HS3ST4: variants seen among roughly 807,000 people sequenced by gnomAD.
HS3ST4 encodes heparan sulfate glucosamine 3-O-sulfotransferase 4.
In HS3ST4, 17 loss-of-function variants were observed where a neutral mutation model predicts 29.2. That is an observed-to-expected ratio of 0.58 (90% confidence interval 0.40 to 0.87). HS3ST4 has a LOEUF of 0.87. HS3ST4 is among the 40% of genes least tolerant of loss of function. The pLI is 0.00. For synonymous variants in HS3ST4, 314 were observed against 285.7 expected, an observed-to-expected ratio of 1.10 and a Z score of -1.00; for missense variants, 627 against 634.5, an observed-to-expected ratio of 0.99 and a Z score of 0.13.
At chr16:25,719,802 G>A (rs1326561709) in intron 1 of HS3ST4, among the ~76,000 whole-genome samples, 1 of 152,142 alleles carries the variant, frequency 6.6e-6, no homozygotes, top group Non-Finnish European at 1.5e-5. Flanking sequence ...GCCCATAACT[G>A]GATCACATTC....
intron 1 of HS3ST4, among the ~76,000 whole-genome samples, chr16:26,048,855 A>C (rs941774495): frequency 2.5e-4 from 38 of 152,002 alleles, no homozygotes; most frequent in Non-Finnish European, 4.4e-4. Context: ...ATAACATTGA[A>C]TCTCGCAGCA....
chr16:26,026,750 G>T (rs1300940369), intron 1 of HS3ST4, among the ~76,000 whole-genome samples: 1 of 152,152 alleles, frequency 6.6e-6, no homozygotes, highest in Non-Finnish European at 1.5e-5. Flanking sequence ...GAGAAGTGGG[G>T]TCGTCATAAT....
chr16:25,752,837 G>C (rs1395585523), intron 1 of HS3ST4, among the ~76,000 whole-genome samples: 4 of 152,202 alleles, frequency 2.6e-5, no homozygotes, highest in Non-Finnish European at 5.9e-5. Context: ...TTAGGAAGCA[G>C]CTGTGCTGGG....
At chr16:26,081,617 C>G (rs935260482) in intron 1 of HS3ST4, among the ~76,000 whole-genome samples, 1 of 152,056 alleles carries the variant, frequency 6.6e-6, no homozygotes, top group Non-Finnish European at 1.5e-5. Flanking sequence ...ACAGGATTGA[C>G]AATGTCTAAA....
At chr16:25,911,498 T>TTG (rs1968239068) in intron 1 of HS3ST4, among the ~76,000 whole-genome samples, 1 of 57,186 alleles carries the variant, frequency 1.7e-5, no homozygotes, top group African/African-American at 5.3e-5. Flanking sequence ...GTTGTGTGGT[T>TTG]TTTTTTTTTT....
chr16:25,778,640 G>A (rs947063816), intron 1 of HS3ST4, among the ~76,000 whole-genome samples: 5 of 152,100 alleles, frequency 3.3e-5, no homozygotes, highest in South Asian at 2.1e-4. Context: ...ATATGAGTGG[G>A]CCTCATCCAA....
intron 1 of HS3ST4, among the ~76,000 whole-genome samples, chr16:25,748,198 G>C (rs370170341): frequency 1.3e-5 from 2 of 152,136 alleles, no homozygotes; most frequent in African/African-American, 4.8e-5. Context: ...TTGGGTGGGC[G>C]TGCTCACATA....
At chr16:25,798,397 T>G (rs1461563155) in intron 1 of HS3ST4, among the ~76,000 whole-genome samples, 1 of 152,254 alleles carries the variant, frequency 6.6e-6, no homozygotes, top group Non-Finnish European at 1.5e-5. Flanking sequence ...CTACAAAACT[T>G]ATTTATTCTT....
chr16:26,038,453 G>A (rs1969604926), intron 1 of HS3ST4, among the ~76,000 whole-genome samples: 1 of 151,896 alleles, frequency 6.6e-6, no homozygotes, highest in Non-Finnish European at 1.5e-5. Context: ...TATAGCCCCA[G>A]CACCTGAGCC....
chr16:25,837,017 C>T (rs1413706837), intron 1 of HS3ST4, among the ~76,000 whole-genome samples: 1 of 152,202 alleles, frequency 6.6e-6, no homozygotes, highest in East Asian at 1.9e-4. Context: ...CTCATTTTGT[C>T]CCCAGATCTT....
At chr16:25,939,692 C>T (rs773733654) in intron 1 of HS3ST4, among the ~76,000 whole-genome samples, 9 of 152,204 alleles carry the variant, frequency 5.9e-5, no homozygotes, top group East Asian at 1.9e-4. Context: ...TGTGGAGAGA[C>T]GCTTGCCATA....
At chr16:25,752,799 TGC>T (rs1966730644) in intron 1 of HS3ST4, among the ~76,000 whole-genome samples, 1 of 152,262 alleles carries the variant, frequency 6.6e-6, no homozygotes, top group South Asian at 2.1e-4. Flanking sequence ...CTTTAATATC[TGC>T]ACCAGCTAGT....
chr16:26,036,638 C>T (rs985868280), intron 1 of HS3ST4, among the ~76,000 whole-genome samples: 2 of 152,128 alleles, frequency 1.3e-5, no homozygotes, highest in African/African-American at 4.8e-5. Flanking sequence ...CTATGCATTC[C>T]ATCTCCCATG....
rs73513342 is a variant in HS3ST4 at position 25,833,859 on chromosome 16, G to A, written c.734+140708G>A. The stretch of plus-strand genomic sequence containing the variant: ...AAAGAGTTTTAGTTCTTGCCTCAGA[G>A]ACCTGAATCGTTTCCATCCCCAGGA... On this transcript the variant is annotated intron_variant, in intron 1 of 1. Transcript: ENST00000331351. Among the ~76,000 whole-genome samples the A allele has an allele frequency of 5.4e-3, 830 of 152,296 alleles. 5 individuals are homozygous for A. The highest frequency in any genetic ancestry group is 0.019 in the African/African-American group (779 of 41,568).
chr16:26,038,559 A>G (rs1176129350), intron 1 of HS3ST4, among the ~76,000 whole-genome samples: 2 of 152,120 alleles, frequency 1.3e-5, no homozygotes, highest in Admixed American at 1.3e-4. Context: ...ATGAATGCCT[A>G]CATGCCCACA....
chr16:25,799,543 A>T (rs762556489), intron 1 of HS3ST4, among the ~76,000 whole-genome samples: 2 of 152,106 alleles, frequency 1.3e-5, no homozygotes, highest in Non-Finnish European at 2.9e-5. Flanking sequence ...CAACAATTTA[A>T]ATGATATCAT....
intron 1 of HS3ST4, among the ~76,000 whole-genome samples, chr16:25,789,654 A>G (rs1358019882): frequency 6.6e-6 from 1 of 152,114 alleles, no homozygotes; most frequent in African/African-American, 2.4e-5. Context: ...GTACAGCATG[A>G]TGAATTATCA....
At chr16:25,811,799 A>G (rs553898186) in intron 1 of HS3ST4, among the ~76,000 whole-genome samples, 1 of 152,274 alleles carries the variant, frequency 6.6e-6, no homozygotes, top group Non-Finnish European at 1.5e-5. Flanking sequence ...AATAACATAC[A>G]TGTGTTAATC....
intron 1 of HS3ST4, among the ~76,000 whole-genome samples, chr16:25,966,424 C>T (rs575237154): frequency 1.4e-3 from 210 of 152,280 alleles, no homozygotes; most frequent in African/African-American, 5.0e-3. Flanking sequence ...CCATGCCAAG[C>T]ATCAAGCCTG....
Sources: gnomAD v4.1 joint callset for allele counts (sites outside exome capture counted in the v4.1 genomes callset) on GRCh38, gnomAD v4.1.1 for gene constraint, MANE v1.5 for transcripts, NCBI Gene and HGNC (gene_info 2026-07-23, HGNC 2026-07-21) for gene names.